GALNT17: variants seen among roughly 807,000 people sequenced by gnomAD.
The protein encoded by GALNT17 is UDP-GalNAc:polypeptide N-acetylgalactosaminyltransferase-like 3.
GALNT17 carries 29 observed loss-of-function variants against 63.7 expected under a neutral mutation model. The observed-to-expected ratio is 0.46, with a 90% CI of 0.34 to 0.62. The LOEUF is 0.62. Among genes scored for constraint, GALNT17 ranks in the 20% least tolerant of loss-of-function variants. The pLI, the probability that GALNT17 is intolerant of heterozygous loss-of-function variation, is 0.01. For missense variants in GALNT17, 603 were observed against 799.6 expected (o/e 0.75, Z 2.97); for synonymous variants, 305 against 318.3 (o/e 0.96, Z 0.45).
chr7:71,552,813 A>G (rs1232913131), intron 5 of GALNT17, among the ~76,000 whole-genome samples: 2 of 152,156 alleles, frequency 1.3e-5, no homozygotes, highest in Non-Finnish European at 2.9e-5. Context: ...CAGGTTGCCC[A>G]TTATTAGTGG....
rs116221598 is a variant in GALNT17, at chr7:71,643,482, A to G, written c.1081-21929A>G. On this transcript the variant is annotated intron_variant, in intron 6 of 10. Transcript: ENST00000333538. Reference sequence around the variant, plus strand: ...GACTCTGTCAAAAAACAAAAACAAAAACCCAGCCACACACCCCAGCATTTT... The same window carrying G: ...GACTCTGTCAAAAAACAAAAACAAAGACCCAGCCACACACCCCAGCATTTT... Among the ~76,000 whole-genome samples the G allele has an allele frequency of 5.7e-3, 867 of 152,172 alleles. 11 individuals carry two copies. Among genetic ancestry groups the G allele is most frequent in the African/African-American group, 0.019 (801 of 41,494 alleles).
intron 1 of GALNT17, among the ~76,000 whole-genome samples, chr7:71,157,880 T>G (rs982402640): frequency 7.9e-5 from 12 of 151,762 alleles, no homozygotes; most frequent in Non-Finnish European, 1.2e-4. Context: ...AGGCAGTATT[T>G]GCCTTTTTGT....
intron 6 of GALNT17, among the ~76,000 whole-genome samples, chr7:71,642,518 G>A (rs764778801): frequency 1.3e-5 from 2 of 152,138 alleles, no homozygotes; most frequent in Non-Finnish European, 2.9e-5. Context: ...ATTCTTTGAA[G>A]AAAGATTTTC....
chr7:71,188,380 G>A (rs1033658917), intron 1 of GALNT17, among the ~76,000 whole-genome samples: 6 of 152,062 alleles, frequency 3.9e-5, no homozygotes, highest in African/African-American at 7.2e-5. Context: ...CTGTAACCAC[G>A]CCAGCATCTA....
At chr7:71,380,294 G>A (rs944327274) in intron 2 of GALNT17, among the ~76,000 whole-genome samples, 2 of 152,062 alleles carry the variant, frequency 1.3e-5, no homozygotes, top group African/African-American at 4.8e-5. Flanking sequence ...AATTAAGGCT[G>A]TGGAAAAAGA....
intron 1 of GALNT17, among the ~76,000 whole-genome samples, chr7:71,184,887 G>A (rs1437899511): frequency 1.3e-5 from 2 of 151,872 alleles, no homozygotes; most frequent in East Asian, 3.9e-4. Context: ...TGCTGCACAA[G>A]CCCTGTGAGC....
intron 5 of GALNT17, among the ~76,000 whole-genome samples, chr7:71,553,158 C>T (rs1161426072): frequency 6.6e-6 from 1 of 151,800 alleles, no homozygotes; most frequent in Admixed American, 6.6e-5. Context: ...GACTTTCTCT[C>T]TTAAAAAAAA....
rs773497172 is a variant in GALNT17, at chr7:71,156,196, CA to C, written c.238+23171del. 4.5e-3 allele frequency among the ~76,000 whole-genome samples: 593 copies of C among 131,848 alleles called. 7 individuals carry two copies. Among genetic ancestry groups the C allele is most frequent in the African/African-American group, 8.6e-3 (304 of 35,430 alleles). The allele number at this position is 131,848 out of a possible 152,430, so 86.5% of individuals were successfully genotyped here. On this transcript the variant is annotated intron_variant, in intron 1 of 10. Transcript: ENST00000333538. ...GGGCACCGAGAGTGAAACTCCGTCT[CA>C]AAAAAAAAAAAAAATTCATTCTTAA...
intron 8 of GALNT17, among the ~76,000 whole-genome samples, chr7:71,676,994 G>A (rs942486502): frequency 1.3e-5 from 2 of 152,136 alleles, no homozygotes; most frequent in African/African-American, 4.8e-5. Context: ...AGCTGCCCAG[G>A]ACACAGTCAG....
At chr7:71,583,800 G>A (rs921201220) in intron 6 of GALNT17, among the ~76,000 whole-genome samples, 2 of 151,404 alleles carry the variant, frequency 1.3e-5, no homozygotes, top group African/African-American at 4.9e-5. Flanking sequence ...CCTTCCAAAC[G>A]ATGTCCAGGA....
Position 71,133,107 on chromosome 7 carries a change from G to A in GALNT17, c.238+67G>A. 3 of 1,342,848 alleles carry A rather than the reference G, an allele frequency of 2.2e-6. No individual in the cohort carries two copies. The South Asian group carries it at 4.7e-5, about 21-fold the overall frequency. 83.2% of individuals were successfully genotyped at this position (1,342,848 alleles called of 1,614,324 possible). ...GGCCGGGCACAGGGTGAGCCCCAGG[G>A]TCCTTGCGCGCTGCGCCCTGTGCCT... On this transcript the variant is annotated intron_variant, in intron 1 of 10. Transcript: ENST00000333538.
At position 71,693,297 on chromosome 7, in the gene GALNT17, C is replaced by T. The variant is rs1433881875; in HGVS notation, c.1500+15991C>T. 1.0e-3 allele frequency among the ~76,000 whole-genome samples: 121 copies of T among 115,630 alleles called. 2 individuals carry two copies. The highest frequency in any genetic ancestry group is 3.4e-3 in the African/African-American group (87 of 25,850). The allele number at this position is 115,630 out of a possible 152,430, so 75.9% of individuals were successfully genotyped here. Reference sequence around the variant, plus strand: ...ACACACACACACACACACACACACACACACACACACACATATATATATATG... The same window carrying T: ...ACACACACACACACACACACACACATACACACACACACATATATATATATG... On this transcript the variant is annotated intron_variant, in intron 9 of 10. Transcript: ENST00000333538.
chr7:71,299,668 C>T (rs1317892), intron 1 of GALNT17, among the ~76,000 whole-genome samples: 53,119 of 151,950 alleles, frequency 0.35, 9,435 homozygotes, highest in East Asian at 0.5. Context: ...CAGAGATGAC[C>T]GTGGGGGCGA....
At position 71,480,291 on chromosome 7, in the gene GALNT17, G is replaced by A. The variant is rs577803087; in HGVS notation, c.962+59186G>A. 8.1e-5 allele frequency among the ~76,000 whole-genome samples: 12 copies of A among 147,602 alleles called. 1 individual carries two copies. In the South Asian group the frequency reaches 1.1e-3, roughly 13 times the overall value. ...AGCGATTCTCCTGTCTCAGCCTCCCGAGTAACTGTGATTATAGGTGTGCCC... is the reference window on the plus strand; with the variant it reads ...AGCGATTCTCCTGTCTCAGCCTCCCAAGTAACTGTGATTATAGGTGTGCCC... On this transcript the variant is annotated intron_variant, in intron 5 of 10. Transcript: ENST00000333538.
chr7:71,335,714 C>A lies in GALNT17; in HGVS notation c.403C>A (p.Pro135Thr). The A allele has an allele frequency of 6.2e-7, 1 of 1,603,842 alleles. No individual in the cohort carries two copies. Among genetic ancestry groups the A allele is most frequent in the African/African-American group, 1.3e-5 (1 of 74,538 alleles). ...SEKISLDRSI[P>T]DYRPTKCKEL... ...AAAAATTTCACTGGACCGTTCCATT[C>A]CGGATTATCGTCCCACCAAGTAAGT... Residue 135 changes from proline to threonine, a missense_variant, in exon 2 of 11, where the codon CCG (proline) becomes ACG (threonine). Pro to Thr is a conservative substitution (Grantham distance 38). Around this residue, in one of 3 missense-constraint regions of GALNT17, gnomAD observed 195 missense variants for 215.0 expected, o/e 0.91. Coordinates refer to ENST00000333538, the MANE Select transcript of GALNT17 (RefSeq NM_022479.3).
chr7:71,510,965 G>A (rs1012041581), intron 5 of GALNT17, among the ~76,000 whole-genome samples: 8 of 152,036 alleles, frequency 5.3e-5, no homozygotes, highest in African/African-American at 9.7e-5. Context: ...TTGAAGCCAG[G>A]AGTTCCAGAT....
In GALNT17 at chr7:71,169,579, A is replaced by G. The variant is rs541871765; in HGVS notation, c.238+36539A>G. On this transcript the variant is annotated intron_variant, in intron 1 of 10. Transcript: ENST00000333538. ...TGCACTATATTTATTTATTTGAGAC[A>G]GGGTCTCACACTGTTGCTCAGGCTA... Among the ~76,000 whole-genome samples the G allele has an allele frequency of 1.1e-4, 16 of 152,310 alleles. 1 individual carries two copies. The South Asian group carries it at 3.1e-3, about 30-fold the overall frequency.
intron 1 of GALNT17, among the ~76,000 whole-genome samples, chr7:71,223,621 C>T (rs542731766): frequency 6.1e-4 from 92 of 152,036 alleles, no homozygotes; most frequent in Non-Finnish European, 1.1e-3. Flanking sequence ...ACTCATGTTA[C>T]GGGGGCTTGT....
chr7:71,369,092 A>G (rs1792568735), intron 2 of GALNT17, among the ~76,000 whole-genome samples: 1 of 152,226 alleles, frequency 6.6e-6, no homozygotes. Flanking sequence ...TTCTACAATT[A>G]TAGGTTCTTC....
Sources: gnomAD v4.1 joint callset for allele counts (sites outside exome capture counted in the v4.1 genomes callset) on GRCh38, gnomAD v4.1.1 for gene constraint, gnomAD v4.1.1 regional missense constraint, MANE v1.5 for transcripts, NCBI Gene and HGNC (gene_info 2026-07-23, HGNC 2026-07-21) for gene names.